Variants in CTXN2 observed in about 807,000 individuals in gnomAD.
CTXN2 encodes cortexin 2.
Under a neutral mutation model 5.7 loss-of-function variants are expected in CTXN2, and 3 were observed. The ratio of observed to expected loss-of-function variants is 0.53; its 90% CI spans 0.24 to 1.36. The LOEUF is 1.36. Among genes scored for constraint, CTXN2 ranks in the 40% most tolerant of loss-of-function variants. The probability of loss-of-function intolerance (pLI) is 0.17; values close to 1 mark genes in which losing one functional copy is unlikely to be tolerated. For synonymous variants in CTXN2, 38 were observed against 36.4 expected (o/e 1.04, Z -0.16); for missense variants, 87 against 93.0 (o/e 0.94, Z 0.26).
chr15:48,187,259 A>C (rs1424413476), upstream of CTXN2, among the ~76,000 whole-genome samples: 1 of 152,142 alleles, frequency 6.6e-6, no homozygotes, highest in African/African-American at 2.4e-5. Context: ...TTTGAAAAAA[A>C]AAAAAGGTTG....
At chr15:48,185,057 A>G (rs1372937035) in intron 1 of CTXN2, among the ~76,000 whole-genome samples, 1 of 152,194 alleles carries the variant, frequency 6.6e-6, no homozygotes, top group Admixed American at 6.5e-5. Flanking sequence ...AAAGGGCAAC[A>G]GAGTCTGTAT....
chr15:48,192,629 A>G (rs2040834850), intron 1 of CTXN2, among the ~76,000 whole-genome samples: 1 of 152,094 alleles, frequency 6.6e-6, no homozygotes, highest in Non-Finnish European at 1.5e-5. Context: ...GGGTTTTCTT[A>G]TATGTCTTAT....
At chr15:48,195,899 T>C (rs2040875107) in intron 1 of CTXN2, among the ~76,000 whole-genome samples, 1 of 152,140 alleles carries the variant, frequency 6.6e-6, no homozygotes, top group African/African-American at 2.4e-5. Flanking sequence ...CCTATGTTGT[T>C]GTTTCTTTCC....
At chr15:48,181,937 T>G (rs2040704425) in intron 1 of CTXN2, among the ~76,000 whole-genome samples, 1 of 152,232 alleles carries the variant, frequency 6.6e-6, no homozygotes, top group African/African-American at 2.4e-5. Context: ...TTCGTAACTT[T>G]TTAAAATACT....
chr15:48,190,143 A>C (rs2040800361), upstream of CTXN2: 2 of 152,216 alleles, frequency 1.3e-5, no homozygotes, highest in African/African-American at 4.8e-5. Context: ...CAAAACTAGT[A>C]ATCTCTGGCA....
chr15:48,185,491 C>T (rs1439422397), intron 1 of CTXN2, among the ~76,000 whole-genome samples: 2 of 151,834 alleles, frequency 1.3e-5, no homozygotes, highest in African/African-American at 2.4e-5. Context: ...GGCAATATTT[C>T]GGGAAAAAAT....
chr15:48,201,630 G>C lies in CTXN2; in HGVS notation c.*84G>C, dbSNP rs1232656693. The C allele has an allele frequency of 8.1e-6, 11 of 1,358,154 alleles. No individual in the cohort carries two copies. The highest frequency in any genetic ancestry group is 1.5e-5 in the African/African-American group (1 of 68,044). The allele number at this position is 1,358,154 out of a possible 1,614,324, so 84.1% of individuals were successfully genotyped here. ...GTAACTACCTTGAGGGTGTGGGAGAGAGGCTCATTTTGTTCAGTGAATTCA... is the reference window on the plus strand; with the variant it reads ...GTAACTACCTTGAGGGTGTGGGAGACAGGCTCATTTTGTTCAGTGAATTCA... On this transcript the variant is annotated 3_prime_UTR_variant, in exon 2 of 2. Coordinates refer to ENST00000417307, the MANE Select transcript of CTXN2 (RefSeq NM_001145668.2).
rs538646353 is a variant in CTXN2, at chr15:48,179,404, A to G, written c.-455+1004A>G. Among the ~76,000 whole-genome samples, 6 of 55,126 alleles carry G rather than the reference A, an allele frequency of 1.1e-4. No individual in the cohort carries two copies. In the Admixed American group the frequency reaches 1.2e-3, roughly 11 times the overall value. 36.2% of individuals were successfully genotyped at this position (55,126 alleles called of 152,430 possible). A position where few individuals can be genotyped will look rare whatever the true frequency, so the allele number is the denominator to read the frequency against. On this transcript the variant is annotated intron_variant, in intron 1 of 2. Transcript: ENST00000644354. ...GAAAAATACCAAGTTCAGCTACTTCATCACACACACACATACACACACACA... is the reference window on the plus strand; with the variant it reads ...GAAAAATACCAAGTTCAGCTACTTCGTCACACACACACATACACACACACA...
At position 48,201,320 on chromosome 15, in the gene CTXN2, G is replaced by A; in HGVS notation, c.20G>A (p.Gly7Asp). ...TGAATAATGAGTAGTACCTACTGTG[G>A]CAACTCTTCAGCTAAGATGAGTGTC... MSSTYC[G>D]NSSAKMSVNE... is the part of the protein sequence containing the mutation. Residue 7 changes from glycine (G) to aspartate (D), a missense_variant, in exon 2 of 2, where the codon GGC becomes GAC. Gly to Asp is a moderately conservative substitution (Grantham distance 94, BLOSUM62 -1). Transcript: ENST00000417307. 6.4e-7 allele frequency: 1 copy of A among 1,551,310 alleles called. No individual in the cohort carries two copies. The highest frequency in any genetic ancestry group is 8.7e-7 in the Non-Finnish European group (1 of 1,146,686).
At chr15:48,183,023 T>C (rs1334003843) in intron 1 of CTXN2, among the ~76,000 whole-genome samples, 1 of 152,210 alleles carries the variant, frequency 6.6e-6, no homozygotes, top group Non-Finnish European at 1.5e-5. Flanking sequence ...TGGCTTCTCT[T>C]TCCCTTCCTC....
intron 1 of CTXN2, among the ~76,000 whole-genome samples, chr15:48,193,855 G>A (rs138240963): frequency 6.6e-6 from 1 of 152,178 alleles, no homozygotes; most frequent in East Asian, 1.9e-4. Flanking sequence ...TTGTTGAAAT[G>A]AGACAAGTTC....
intron 1 of CTXN2, among the ~76,000 whole-genome samples, chr15:48,200,037 C>T (rs1269125573): frequency 2.6e-5 from 4 of 152,150 alleles, no homozygotes; most frequent in African/African-American, 4.8e-5. Flanking sequence ...TTGAAAGCTA[C>T]AAGTCCTGCT....
At chr15:48,195,957 T>C (rs1026434565) in intron 1 of CTXN2, among the ~76,000 whole-genome samples, 9 of 152,144 alleles carry the variant, frequency 5.9e-5, no homozygotes, top group African/African-American at 1.9e-4. Flanking sequence ...TCCCTTTAAG[T>C]AGAGGAGTGC....
chr15:48,186,174 A>G (rs1046978979), intron 1 of CTXN2, among the ~76,000 whole-genome samples: 1 of 152,220 alleles, frequency 6.6e-6, no homozygotes, highest in Admixed American at 6.5e-5. Context: ...GGCTTAAAGT[A>G]CACTTTAAAT....
upstream of CTXN2, chr15:48,190,167 T>C (rs2140975105): frequency 6.6e-6 from 1 of 152,330 alleles, no homozygotes; most frequent in African/African-American, 2.4e-5. Context: ...CCTAGGAAAT[T>C]GTCAGAAAAG....
chr15:48,188,005 C>T (rs2040775257), upstream of CTXN2, among the ~76,000 whole-genome samples: 1 of 151,928 alleles, frequency 6.6e-6, no homozygotes, highest in Non-Finnish European at 1.5e-5. Flanking sequence ...TTAGATGATA[C>T]ATTTTCTGTA....
At chr15:48,201,195 C>T in intron 1 of CTXN2, 49 bp from the exon 2 acceptor site, 2 of 1,163,412 alleles carry the variant, frequency 1.7e-6, no homozygotes, top group South Asian at 3.0e-5. Flanking sequence ...AACAACCTAC[C>T]CAATACCATA....
At chr15:48,191,957 T>G in intron 1 of CTXN2, 104 bp downstream of exon 1, 1 of 388,712 alleles carries the variant, frequency 2.6e-6, no homozygotes, top group Non-Finnish European at 5.2e-6. Flanking sequence ...CTCATTCTCT[T>G]GTATTTCTGA....
chr15:48,186,144 C>G (rs977788932), intron 1 of CTXN2, among the ~76,000 whole-genome samples: 3 of 152,028 alleles, frequency 2.0e-5, no homozygotes, highest in African/African-American at 7.2e-5. Flanking sequence ...TCATTAGATT[C>G]AACAGTGAAT....
Sources: allele counts gnomAD v4.1 joint callset (sites outside exome capture counted in the v4.1 genomes callset), GRCh38; gene constraint gnomAD v4.1.1; transcripts MANE v1.5; gene names NCBI Gene and HGNC (gene_info 2026-07-23, HGNC 2026-07-21).